MYRFL: variants seen among roughly 807,000 people sequenced by gnomAD.
MYRFL encodes myelin regulatory factor-like protein.
A neutral mutation model predicts 109.4 loss-of-function variants in MYRFL; 88 were observed. The ratio of observed to expected loss-of-function variants is 0.80; its 90% CI spans 0.68 to 0.96. The LOEUF (loss-of-function observed/expected upper bound fraction) is 0.96, where lower values mean the gene tolerates loss of function less well. Ranked by LOEUF, MYRFL falls within the 40% of genes least tolerant of loss-of-function variation. MYRFL has a pLI of 0.00. For synonymous variants in MYRFL, 324 were observed against 320.9 expected (o/e 1.01, Z -0.10); for missense variants, 957 against 954.9 (o/e 1.00, Z -0.03).
chr12:69,907,258 A>G (rs1334153160), intron 11 of MYRFL, among the ~76,000 whole-genome samples: 1 of 152,166 alleles, frequency 6.6e-6, no homozygotes, highest in Non-Finnish European at 1.5e-5. Flanking sequence ...GTAACCCTCA[A>G]AATTTTTCTT....
chr12:69,843,320 T>C (rs1883350516), intron 1 of MYRFL, among the ~76,000 whole-genome samples: 1 of 152,222 alleles, frequency 6.6e-6, no homozygotes, highest in Non-Finnish European at 1.5e-5. Context: ...AGACCCTCAT[T>C]ATTATTTTTA....
intron 15 of MYRFL, among the ~76,000 whole-genome samples, chr12:69,928,629 T>C (rs1955173400): frequency 6.6e-6 from 1 of 152,236 alleles, no homozygotes; most frequent in South Asian, 2.1e-4. Context: ...CTTAGTGTAT[T>C]GACAAACACA....
intron 13 of MYRFL, among the ~76,000 whole-genome samples, chr12:69,921,422 T>C (rs370665098): frequency 1.1e-4 from 17 of 152,202 alleles, no homozygotes; most frequent in East Asian, 7.7e-4. Flanking sequence ...TATGGGTTCT[T>C]GGTTCAAATC....
chr12:69,918,153 A>G (rs1268682939), intron 13 of MYRFL, among the ~76,000 whole-genome samples: 2 of 152,188 alleles, frequency 1.3e-5, no homozygotes, highest in South Asian at 2.1e-4. Flanking sequence ...TATCAGATTT[A>G]TGGGTCCTTT....
intron 2 of MYRFL, among the ~76,000 whole-genome samples, chr12:69,868,556 CT>C (rs1885147351): frequency 1.3e-5 from 2 of 152,160 alleles, no homozygotes; most frequent in African/African-American, 2.4e-5. Flanking sequence ...TTCTCTACAT[CT>C]AAAGCAGCAG....
intron 2 of MYRFL, among the ~76,000 whole-genome samples, chr12:69,864,803 C>T (rs1884918509): frequency 6.6e-6 from 1 of 152,124 alleles, no homozygotes; most frequent in Admixed American, 6.5e-5. Context: ...CCTCACATTC[C>T]TCTCACTACA....
chr12:69,834,527 C>A (rs182833342), intron 1 of MYRFL, among the ~76,000 whole-genome samples: 13 of 152,122 alleles, frequency 8.5e-5, no homozygotes, highest in Non-Finnish European at 1.5e-4. Context: ...GATAATAACA[C>A]CTACCCTCTT....
chr12:69,897,239 T>C lies in MYRFL; in HGVS notation c.1175T>C (p.Ile392Thr). 1.3e-6 allele frequency: 2 copies of C among 1,535,604 alleles called. No homozygotes were observed. Among genetic ancestry groups the C allele is most frequent in the South Asian group, 1.2e-5 (1 of 84,062 alleles). ...LLSAHISERI[I>T]VRASNPGQFE... ...TCTGCCCACATCTCTGAAAGGATCA[T>C]TGTAAGGGTAAGCTCAGTTCTCTGA... Residue 392 changes from isoleucine to threonine, a missense_variant, in exon 10 of 25, where the codon ATT becomes ACT. Physicochemically the swap from Ile to Thr is moderately conservative, Grantham distance 89. Coordinates refer to ENST00000552032, the MANE Select transcript of MYRFL (RefSeq NM_182530.3).
chr12:69,939,023 A>T (rs904087806), intron 19 of MYRFL, among the ~76,000 whole-genome samples: 23 of 152,278 alleles, frequency 1.5e-4, no homozygotes, highest in African/African-American at 5.5e-4. Context: ...TATATCCCGC[A>T]CCTGGCTCGG....
rs1461046857 is a variant in MYRFL at position 69,938,810 on chromosome 12, C to G, written c.2224+2178C>G. Reference sequence around the variant, plus strand: ...GTTCATCTCACTAGGGAGTGCCAGACAGTGGGCGCAGGTCAGTGGGTGCGC... The same window carrying G: ...GTTCATCTCACTAGGGAGTGCCAGAGAGTGGGCGCAGGTCAGTGGGTGCGC... On this transcript the variant is annotated intron_variant, in intron 19 of 24. Coordinates refer to ENST00000552032, the MANE Select transcript of MYRFL (RefSeq NM_182530.3). Among the ~76,000 whole-genome samples, 4 of 152,228 alleles carry G rather than the reference C, an allele frequency of 2.6e-5. No homozygotes were observed. The East Asian group carries it at 7.8e-4, about 30-fold the overall frequency.
chr12:69,855,717 A>T (rs944842753), intron 2 of MYRFL, among the ~76,000 whole-genome samples: 1 of 151,802 alleles, frequency 6.6e-6, no homozygotes, highest in Non-Finnish European at 1.5e-5. Context: ...GTATTCACTT[A>T]TACTTTTAAT....
chr12:69,939,452 G>C (rs1955573710), intron 19 of MYRFL, among the ~76,000 whole-genome samples: 1 of 151,856 alleles, frequency 6.6e-6, no homozygotes, highest in Non-Finnish European at 1.5e-5. Flanking sequence ...CACACGGCAG[G>C]GTACTCCAAC....
At chr12:69,956,658 C>T (rs145146776) in intron 22 of MYRFL, among the ~76,000 whole-genome samples, 227 of 152,012 alleles carry the variant, frequency 1.5e-3, no homozygotes, top group Non-Finnish European at 2.9e-3. Flanking sequence ...CTTCACCGCA[C>T]GCCTTCTGCC....
At chr12:69,871,576 T>C (rs1885358664) in intron 2 of MYRFL, among the ~76,000 whole-genome samples, 2 of 152,176 alleles carry the variant, frequency 1.3e-5, no homozygotes, top group African/African-American at 4.8e-5. Flanking sequence ...ATAATGTTTT[T>C]ATATTGCTTT....
At chr12:69,881,701 A>T (rs754530928) in intron 5 of MYRFL, among the ~76,000 whole-genome samples, 3 of 152,250 alleles carry the variant, frequency 2.0e-5, no homozygotes, top group Non-Finnish European at 4.4e-5. Flanking sequence ...TAAACCTCAA[A>T]CTGCCTCCTT....
At chr12:69,912,053 C>T (rs141631514) in intron 13 of MYRFL, among the ~76,000 whole-genome samples, 2 of 152,268 alleles carry the variant, frequency 1.3e-5, no homozygotes, top group Non-Finnish European at 2.9e-5. Context: ...TGTTAGGCAC[C>T]ACCACCATCT....
At chr12:69,873,205 C>T (rs903287766) in intron 2 of MYRFL, among the ~76,000 whole-genome samples, 2 of 152,060 alleles carry the variant, frequency 1.3e-5, no homozygotes, top group African/African-American at 2.4e-5. Flanking sequence ...TTGTCTTTGG[C>T]CACATGTAAA....
intron 5 of MYRFL, among the ~76,000 whole-genome samples, chr12:69,881,258 C>A (rs1252662763): frequency 6.6e-6 from 1 of 152,156 alleles, no homozygotes; most frequent in African/African-American, 2.4e-5. Context: ...GCATGAGCCA[C>A]CATGTCTGGC....
rs570832462 is a variant in MYRFL, at chr12:69,915,272, C to T, written c.1602+4342C>T. ...CTTGTTTTAAGGAACTTTGCCAGGA[C>T]GTCCTGGGCTTCATGTGCTGTAATA... On this transcript the variant is annotated intron_variant, in intron 13 of 24. Transcript: ENST00000552032. Among the ~76,000 whole-genome samples the T allele has an allele frequency of 2.6e-5, 4 of 152,264 alleles. No homozygotes were observed. The South Asian group carries it at 6.2e-4, about 24-fold the overall frequency.
Sources: gnomAD v4.1 joint callset for allele counts (sites outside exome capture counted in the v4.1 genomes callset) on GRCh38, gnomAD v4.1.1 for gene constraint, MANE v1.5 for transcripts, NCBI Gene and HGNC (gene_info 2026-07-23, HGNC 2026-07-21) for gene names.